FAF1: variants seen among roughly 807,000 people sequenced by gnomAD.
FAF1 encodes the protein Fas associated factor 1.
A neutral mutation model predicts 92.5 loss-of-function variants in FAF1; 25 were observed. The ratio of observed to expected loss-of-function variants is 0.27; its 90% CI spans 0.20 to 0.38. The LOEUF (loss-of-function observed/expected upper bound fraction) is 0.38. FAF1 is among the 10% of genes least tolerant of loss of function. The probability of loss-of-function intolerance (pLI) is 1.00; values close to 1 mark genes in which losing one functional copy is unlikely to be tolerated. For missense variants in FAF1, 636 were observed against 793.3 expected (o/e 0.80, Z 2.38); for synonymous variants, 234 against 273.2 (o/e 0.86, Z 1.42).
At chr1:50,904,881 T>TC (rs1491142380) in intron 1 of FAF1, among the ~76,000 whole-genome samples, 1 of 141,478 alleles carries the variant, frequency 7.1e-6, no homozygotes, top group Non-Finnish European at 1.5e-5. Flanking sequence ...ATTTTTTTCC[T>TC]TTTTTTTTTC....
chr1:50,574,136 AG>A (rs1271990510), intron 12 of FAF1, among the ~76,000 whole-genome samples: 1 of 152,232 alleles, frequency 6.6e-6, no homozygotes, highest in Non-Finnish European at 1.5e-5. Context: ...AAAAAAGAAA[AG>A]CCTAAAGTAA....
At chr1:50,697,465 A>G (rs1305866288) in intron 7 of FAF1, among the ~76,000 whole-genome samples, 1 of 152,178 alleles carries the variant, frequency 6.6e-6, no homozygotes, top group East Asian at 1.9e-4. Flanking sequence ...CCCTGTACAA[A>G]GATTCTGATT....
Position 50,647,832 on chromosome 1 carries a change from G to A in FAF1, c.744+7610C>T, listed in dbSNP as rs1190193085. ...AAGCCAGAGAGGAGGAAGGAAGGGA[G>A]AAATGAAGGAAACAAATAACAAAAT... On this transcript the variant is annotated intron_variant, in intron 8 of 18. Transcript: ENST00000396153. 2.0e-5 allele frequency among the ~76,000 whole-genome samples: 3 copies of A among 152,114 alleles called. No homozygotes were observed. The East Asian group carries it at 5.8e-4, about 29-fold the overall frequency.
chr1:50,786,059 G>C (rs1325489094), intron 4 of FAF1, among the ~76,000 whole-genome samples: 1 of 151,754 alleles, frequency 6.6e-6, no homozygotes, highest in African/African-American at 2.4e-5. Flanking sequence ...CTTGAGCCCA[G>C]AGTTTGAGGC....
chr1:50,874,509 C>T (rs1644553753), intron 1 of FAF1, among the ~76,000 whole-genome samples: 1 of 152,040 alleles, frequency 6.6e-6, no homozygotes, highest in Admixed American at 6.5e-5. Flanking sequence ...TACAGGCGAG[C>T]ACCACCAAAC....
intron 7 of FAF1, among the ~76,000 whole-genome samples, chr1:50,659,335 T>C (rs1045262229): frequency 5.3e-5 from 8 of 150,094 alleles, no homozygotes; most frequent in Non-Finnish European, 7.4e-5. Flanking sequence ...TAGGGAGAAA[T>C]AGATGATAGG....
rs1558000811 is a variant in FAF1, at chr1:50,574,896, C to CTGTTTTTTTTTTTTT, written c.1114-7666_1114-7665insAAAAAAAAAAAAACA. ...GTTTAAGCATATAGAGTTGTATTAA[C>CTGTTTTTTTTTTTTT]TCTTTTTTTTTTTTTTTTTTTTTTT... On this transcript the variant is annotated intron_variant, in intron 12 of 18. Transcript: ENST00000396153. Among the ~76,000 whole-genome samples, 69 of 122,908 alleles carry CTGTTTTTTTTTTTTT rather than the reference C, an allele frequency of 5.6e-4. 5 individuals carry two copies. Among genetic ancestry groups the CTGTTTTTTTTTTTTT allele is most frequent in the African/African-American group, 2.0e-3 (63 of 30,802 alleles). The allele number at this position is 122,908 out of a possible 152,430, so 80.6% of individuals were successfully genotyped here.
Position 50,543,058 on chromosome 1 carries a change from T to C in FAF1, c.1269-3330A>G, listed in dbSNP as rs144141399. Among the ~76,000 whole-genome samples, 251 of 152,334 alleles carry C rather than the reference T, an allele frequency of 1.6e-3. 9 individuals are homozygous for C. In the East Asian group the frequency reaches 0.038, roughly 23 times the overall value. ...AAATATAAACAGAATATCTGATGGTTAGCATGTATTAATCACTTGTAAAAT... is the reference window on the plus strand; with the variant it reads ...AAATATAAACAGAATATCTGATGGTCAGCATGTATTAATCACTTGTAAAAT... On this transcript the variant is annotated intron_variant, in intron 13 of 18. Coordinates refer to ENST00000396153, the MANE Select transcript of FAF1 (RefSeq NM_007051.3).
Position 50,724,290 on chromosome 1 carries a change from CACACAT to C in FAF1, c.551+14567_551+14572del, listed in dbSNP as rs879690338. On this transcript the variant is annotated intron_variant, in intron 6 of 18. Transcript: ENST00000396153. ...ATATATACATATACACACACACACA[CACACAT>C]ACACACACACACACACACACACACA... is the stretch of plus-strand genomic sequence containing the variant. Among the ~76,000 whole-genome samples the C allele has an allele frequency of 3.1e-3, 332 of 106,130 alleles. 3 individuals carry two copies. The highest frequency in any genetic ancestry group is 0.013 in the African/African-American group (313 of 24,586). The allele number at this position is 106,130 out of a possible 152,430, so 69.6% of individuals were successfully genotyped here. A position where few individuals can be genotyped will look rare whatever the true frequency, so the allele number is the denominator to read the frequency against.
chr1:50,445,857 A>G (rs150842832), intron 18 of FAF1, among the ~76,000 whole-genome samples: 2 of 152,350 alleles, frequency 1.3e-5, no homozygotes, highest in African/African-American at 4.8e-5. Flanking sequence ...TTAATCATTT[A>G]GCAAATTGGC....
At chr1:50,491,480 T>G (rs1160190261) in intron 16 of FAF1, among the ~76,000 whole-genome samples, 2 of 152,206 alleles carry the variant, frequency 1.3e-5, no homozygotes, top group Non-Finnish European at 2.9e-5. Flanking sequence ...ATAGACCAAC[T>G]AAGAAACAAA....
chr1:50,880,991 A>T (rs12058681), intron 1 of FAF1, among the ~76,000 whole-genome samples: 13,159 of 152,150 alleles, frequency 0.086, 587 homozygotes, highest in African/African-American at 0.098. Context: ...ATATATATAT[A>T]TTTTAAATGT....
chr1:50,514,104 C>T (rs1379792441), intron 15 of FAF1, among the ~76,000 whole-genome samples: 1 of 152,178 alleles, frequency 6.6e-6, no homozygotes, highest in African/African-American at 2.4e-5. Flanking sequence ...TCATTTAATT[C>T]TCAATGGATT....
intron 9 of FAF1, among the ~76,000 whole-genome samples, chr1:50,587,047 T>C (rs1311151947): frequency 2.0e-5 from 3 of 152,168 alleles, no homozygotes; most frequent in Non-Finnish European, 4.4e-5. Context: ...CTTTGAGGCA[T>C]CAGGTTAAGA....
At chr1:50,653,314 G>T (rs1056640309) in intron 8 of FAF1, among the ~76,000 whole-genome samples, 2 of 152,162 alleles carry the variant, frequency 1.3e-5, no homozygotes, top group South Asian at 4.1e-4. Flanking sequence ...TAAACCTAAA[G>T]ATTTTTTTTT....
chr1:50,956,426 A>G (rs1476857842), intron 1 of FAF1, among the ~76,000 whole-genome samples: 1 of 152,248 alleles, frequency 6.6e-6, no homozygotes, highest in Non-Finnish European at 1.5e-5. Flanking sequence ...GTATCTAGCA[A>G]TGATCAAAAT....
chr1:50,880,121 G>A (rs1364433015), intron 1 of FAF1, among the ~76,000 whole-genome samples: 1 of 152,142 alleles, frequency 6.6e-6, no homozygotes, highest in Non-Finnish European at 1.5e-5. Flanking sequence ...CTCCTTTCTA[G>A]CCTGCTAATA....
rs991443693 is a variant in FAF1 at position 50,583,873 on chromosome 1, T to C, written c.968-158A>G. On this transcript the variant is annotated intron_variant, in intron 10 of 18. Coordinates refer to ENST00000396153, the MANE Select transcript of FAF1 (RefSeq NM_007051.3). The surrounding 1 kb of genome is among the most constrained non-coding windows in gnomAD (Gnocchi z 4.2). ...AGCTTCTGTGATATATCTGAGGGGATAGTTTAACTCAACATATATTAGATC... is the reference window on the plus strand; with the variant it reads ...AGCTTCTGTGATATATCTGAGGGGACAGTTTAACTCAACATATATTAGATC... 2.6e-5 allele frequency among the ~76,000 whole-genome samples: 4 copies of C among 152,068 alleles called. No individual in the cohort carries two copies. The highest frequency in any genetic ancestry group is 7.2e-5 in the African/African-American group (3 of 41,450).
At chr1:50,737,980 T>C (rs1476642399) in intron 6 of FAF1, among the ~76,000 whole-genome samples, 2 of 152,176 alleles carry the variant, frequency 1.3e-5, no homozygotes, top group African/African-American at 2.4e-5. Context: ...TAAAAATTAT[T>C]ATCACTAGCA....
Sources: allele counts gnomAD v4.1 joint callset (sites outside exome capture counted in the v4.1 genomes callset), GRCh38; gene constraint gnomAD v4.1.1; non-coding constraint Gnocchi (gnomAD v3.1); transcripts MANE v1.5; gene names NCBI Gene and HGNC (gene_info 2026-07-23, HGNC 2026-07-21).